Variants in HIP1 observed in about 807,000 individuals in gnomAD.
The protein encoded by HIP1 is huntingtin interacting protein 1.
A neutral mutation model predicts 147.6 loss-of-function variants in HIP1; 65 were observed. The observed-to-expected ratio is 0.44, with a 90% CI of 0.36 to 0.54. The LOEUF (loss-of-function observed/expected upper bound fraction) is 0.54, where lower values mean the gene tolerates loss of function less well. HIP1 is among the 20% of genes least tolerant of loss of function. The pLI, the probability that HIP1 is intolerant of heterozygous loss-of-function variation, is 0.00. For missense variants in HIP1, 1,061 were observed against 1,299.6 expected, an observed-to-expected ratio of 0.82 and a Z score of 2.82; for synonymous variants, 479 against 504.0, an observed-to-expected ratio of 0.95 and a Z score of 0.67.
chr7:75,686,496 G>T (rs1044506891), intron 1 of HIP1, among the ~76,000 whole-genome samples: 14 of 152,074 alleles, frequency 9.2e-5, no homozygotes, highest in African/African-American at 3.4e-4. Flanking sequence ...CTCTTAGCTG[G>T]GGTTCCCATG....
chr7:75,719,641 G>A (rs1265641061), intron 1 of HIP1, among the ~76,000 whole-genome samples: 4 of 151,948 alleles, frequency 2.6e-5, no homozygotes, highest in East Asian at 1.9e-4. Flanking sequence ...GGCTGGTGTC[G>A]AACTCCTGGG....
chr7:75,677,603 TAAAAA>T (rs60860713), intron 1 of HIP1, among the ~76,000 whole-genome samples: 2 of 94,504 alleles, frequency 2.1e-5, no homozygotes, highest in East Asian at 3.1e-4. Context: ...AGACTCCATC[TAAAAA>T]AAAAAAAAAA....
chr7:75,608,656 G>A (rs1424725250), intron 1 of HIP1, among the ~76,000 whole-genome samples: 2 of 152,196 alleles, frequency 1.3e-5, no homozygotes, highest in African/African-American at 4.8e-5. Context: ...AGACCAATGG[G>A]CAGAAGTCCA....
At chr7:75,554,615 C>G in intron 19 of HIP1, 89 bp from the exon 20 acceptor site, 1 of 911,680 alleles carries the variant, frequency 1.1e-6, no homozygotes, top group Admixed American at 1.9e-5. Flanking sequence ...AGGAGCTTAC[C>G]TAGTGGGTAA....
intron 1 of HIP1, among the ~76,000 whole-genome samples, chr7:75,654,084 G>A (rs1456705488): frequency 1.3e-5 from 2 of 152,078 alleles, no homozygotes; most frequent in Non-Finnish European, 2.9e-5. Flanking sequence ...ACACAGGGAA[G>A]CCAAGGTTTC....
At chr7:75,626,079 C>T (rs1798025601) in intron 1 of HIP1, 1 of 152,116 alleles carries the variant, frequency 6.6e-6, no homozygotes, top group Non-Finnish European at 1.5e-5. Context: ...TGATGTTGGA[C>T]TTCCCAGCCC....
intron 1 of HIP1, among the ~76,000 whole-genome samples, chr7:75,640,489 G>A (rs1554510321): frequency 6.6e-6 from 1 of 152,148 alleles, no homozygotes; most frequent in East Asian, 1.9e-4. Flanking sequence ...CAGCACTTTA[G>A]GCCTGTAATC....
intron 1 of HIP1, among the ~76,000 whole-genome samples, chr7:75,616,951 G>A (rs1797691691): frequency 6.6e-6 from 1 of 151,956 alleles, no homozygotes; most frequent in African/African-American, 2.4e-5. Flanking sequence ...TGTTGCCCAG[G>A]TTGGAGTGCA....
At chr7:75,618,584 G>A (rs1198648906) in intron 1 of HIP1, among the ~76,000 whole-genome samples, 1 of 152,136 alleles carries the variant, frequency 6.6e-6, no homozygotes, top group African/African-American at 2.4e-5. Flanking sequence ...ACCGCACCCA[G>A]CTGTTTCCCC....
At chr7:75,563,379 A>C (rs925233169) in intron 9 of HIP1, 116 bp from the exon 10 acceptor site, 2 of 809,664 alleles carry the variant, frequency 2.5e-6, no homozygotes, top group Admixed American at 4.2e-5. Flanking sequence ...CAGGCTGTCA[A>C]GGAGATAAAC....
intron 1 of HIP1, among the ~76,000 whole-genome samples, chr7:75,655,885 C>T (rs1554512556): frequency 6.6e-6 from 1 of 152,128 alleles, no homozygotes; most frequent in Non-Finnish European, 1.5e-5. Flanking sequence ...TCTGGGAGGA[C>T]AAGGTGAGTG....
chr7:75,658,230 C>T (rs193071035), intron 1 of HIP1, among the ~76,000 whole-genome samples: 5 of 152,218 alleles, frequency 3.3e-5, no homozygotes, highest in African/African-American at 7.2e-5. Context: ...TGGGATTACA[C>T]GCATCTGCCA....
intron 5 of HIP1, among the ~76,000 whole-genome samples, chr7:75,586,346 G>A (rs782647120): frequency 8.6e-5 from 13 of 151,976 alleles, no homozygotes; most frequent in Non-Finnish European, 1.8e-4. Flanking sequence ...GGGACTACAG[G>A]CATGCATCAC....
chr7:75,737,729 C>T lies in HIP1; in HGVS notation c.120+1072G>A, dbSNP rs77314648. Among the ~76,000 whole-genome samples the T allele has an allele frequency of 8.9e-3, 1,362 of 152,288 alleles. 23 individuals carry two copies. Among genetic ancestry groups the T allele is most frequent in the African/African-American group, 0.03 (1,267 of 41,552 alleles). On this transcript the variant is annotated intron_variant, in intron 1 of 30. Transcript: ENST00000336926. The stretch of plus-strand genomic sequence containing the variant: ...CTTTTCTAACTAAAATCCCAAAGCC[C>T]TTTCCCTCCAACTGTGTTTGGGGGA...
At chr7:75,682,202 C>T (rs535835528) in intron 1 of HIP1, among the ~76,000 whole-genome samples, 49 of 94,536 alleles carry the variant, frequency 5.2e-4, no homozygotes, top group African/African-American at 2.4e-3. Flanking sequence ...CATGATCCAC[C>T]CACCTGGCCT....
At chr7:75,713,494 C>G (rs1241667242) in intron 1 of HIP1, among the ~76,000 whole-genome samples, 6 of 152,130 alleles carry the variant, frequency 3.9e-5, no homozygotes, top group Non-Finnish European at 5.9e-5. Context: ...AGACCCAGGG[C>G]AAACAGAGCA....
At chr7:75,667,372 T>C (rs1288095776) in intron 1 of HIP1, among the ~76,000 whole-genome samples, 36 of 152,168 alleles carry the variant, frequency 2.4e-4, no homozygotes, top group Non-Finnish European at 2.9e-5. Context: ...CTTATATAAA[T>C]ATAGGCATGA....
Position 75,571,258 on chromosome 7 carries a change from ATGTTC to A in HIP1, c.745+2498_745+2502del, listed in dbSNP as rs1330673071. Reference sequence around the variant, plus strand: ...CCCATTTTACAAAAAGGCAGTGGTGATGTTCTACTGAGCAACAGAATACTTGGAAA... The same window carrying A: ...CCCATTTTACAAAAAGGCAGTGGTGATACTGAGCAACAGAATACTTGGAAA... On this transcript the variant is annotated intron_variant, in intron 8 of 30. Coordinates refer to ENST00000336926, the MANE Select transcript of HIP1 (RefSeq NM_005338.7). Among the ~76,000 whole-genome samples, 113 of 152,274 alleles carry A rather than the reference ATGTTC, an allele frequency of 7.4e-4. 1 individual carries two copies. Among genetic ancestry groups the A allele is most frequent in the African/African-American group, 2.5e-3 (104 of 41,566 alleles).
chr7:75,577,436 G>C lies in HIP1; in HGVS notation c.605-3535C>G, dbSNP rs146706950. Among the ~76,000 whole-genome samples, 53 of 152,124 alleles carry C rather than the reference G, an allele frequency of 3.5e-4. No homozygotes were observed. In the South Asian group the frequency reaches 5.0e-3, roughly 14 times the overall value. On this transcript the variant is annotated intron_variant, in intron 7 of 30. Transcript: ENST00000336926. ...GTTAACTTTCAGCTACATGCTCTGG[G>C]AAACTCTAGGGTGAATTACTTAGAG...
Sources: allele counts gnomAD v4.1 joint callset (sites outside exome capture counted in the v4.1 genomes callset), GRCh38; gene constraint gnomAD v4.1.1; transcripts MANE v1.5; gene names NCBI Gene and HGNC (gene_info 2026-07-23, HGNC 2026-07-21).